Variants in RARS1 observed in about 807,000 individuals in gnomAD.
The protein encoded by RARS1 is arginine--tRNA ligase, cytoplasmic.
In RARS1, 75 loss-of-function variants were observed where a neutral mutation model predicts 78.7. That is an observed-to-expected ratio of 0.95 (90% CI 0.79 to 1.15). The LOEUF (loss-of-function observed/expected upper bound fraction) is 1.15. RARS1 is among the 50% of genes most tolerant of loss of function. The pLI is 0.00. For synonymous variants in RARS1, 273 were observed against 268.2 expected (o/e 1.02, Z -0.18); for missense variants, 787 against 787.5 (o/e 1.00, Z 0.01).
chr5:168,506,443 G>T (rs771991712), intron 10 of RARS1, among the ~76,000 whole-genome samples: 2 of 152,176 alleles, frequency 1.3e-5, no homozygotes, highest in East Asian at 1.9e-4. Context: ...TATCAGTAGG[G>T]TTATTGTGAG....
chr5:168,504,597 C>T (rs989725706), intron 9 of RARS1, among the ~76,000 whole-genome samples: 3 of 151,528 alleles, frequency 2.0e-5, no homozygotes, highest in Admixed American at 2.0e-4. Context: ...GAGGCCGAGG[C>T]AGGCGGATCA....
At chr5:168,517,100 T>A (rs1371383447) in intron 13 of RARS1, 150 bp downstream of exon 13, 15 of 792,920 alleles carry the variant, frequency 1.9e-5, no homozygotes, top group Non-Finnish European at 2.4e-5. Context: ...CTGGGATTAC[T>A]GACATACCAC....
Position 168,488,688 on chromosome 5 carries a change from A to C in RARS1, c.132A>C (p.Leu44Phe), listed in dbSNP as rs766924890. 9 of 1,611,888 alleles carry C rather than the reference A, an allele frequency of 5.6e-6. No homozygotes were observed. Among genetic ancestry groups the C allele is most frequent in the Non-Finnish European group, 7.6e-6 (9 of 1,179,430 alleles). Residue 44 changes from leucine (L) to phenylalanine (F), a missense_variant, in exon 2 of 15, where the codon TTA becomes TTC. Transcript: ENST00000231572. Reference protein sequence around the residue: ...CLGASPNLEQLQEENLKLKYR... With the variant: ...CLGASPNLEQFQEENLKLKYR... ...GAGCTTCTCCAAATTTGGAGCAGTT[A>C]CAAGAAGAAAATTTAAAATTAAAGT...
At chr5:168,492,345 C>G (rs550771258) in intron 2 of RARS1, among the ~76,000 whole-genome samples, 2 of 152,150 alleles carry the variant, frequency 1.3e-5, no homozygotes, top group East Asian at 3.9e-4. Context: ...AAATTATTTT[C>G]TCAGAGATTT....
intron 2 of RARS1, among the ~76,000 whole-genome samples, chr5:168,491,281 A>G (rs1248660982): frequency 6.6e-6 from 1 of 152,146 alleles, no homozygotes; most frequent in Non-Finnish European, 1.5e-5. Flanking sequence ...GATGTCTTGA[A>G]CCCAGGAGTT....
At position 168,515,626 on chromosome 5, in the gene RARS1, G is replaced by A. The variant is rs116754739; in HGVS notation, c.1453-1152G>A. On this transcript the variant is annotated intron_variant, in intron 12 of 14. Coordinates refer to ENST00000231572, the MANE Select transcript of RARS1 (RefSeq NM_002887.4). Reference sequence around the variant, plus strand: ...CCAGCTGATTATCTTGACCCTGTTTGTATTGGCCTTATGCTTCTTTAGGGC... The same window carrying A: ...CCAGCTGATTATCTTGACCCTGTTTATATTGGCCTTATGCTTCTTTAGGGC... Among the ~76,000 whole-genome samples the A allele has an allele frequency of 9.5e-3, 1,442 of 152,302 alleles. 15 individuals carry two copies. The highest frequency in any genetic ancestry group is 0.041 in the South Asian group (197 of 4,826).
Position 168,495,358 on chromosome 5 carries a change from A to G in RARS1, c.623A>G (p.His208Arg). 1.9e-6 allele frequency: 3 copies of G among 1,614,062 alleles called. No individual in the cohort carries two copies. The highest frequency in any genetic ancestry group is 2.5e-6 in the Non-Finnish European group (3 of 1,179,968). Reference protein sequence around the residue: ...FSSPNIAKEMHVGHLRSTIIG... With the variant: ...FSSPNIAKEMRVGHLRSTIIG... ...TCCCCTAATATAGCTAAAGAGATGC[A>G]TGTAGGCCACCTGAGGTCAACTATC... is the stretch of plus-strand genomic sequence containing the variant. The change falls in exon 6 of 15, where the codon CAT becomes CGT. Residue 208 changes from histidine to arginine, a missense_variant. By Grantham distance (29) the His-to-Arg change is conservative. Transcript: ENST00000231572.
At chr5:168,500,815 CCTT>C in intron 8 of RARS1, 95 bp downstream of exon 8, 15 of 1,422,738 alleles carry the variant, frequency 1.1e-5, no homozygotes, top group Non-Finnish European at 1.4e-5. Flanking sequence ...GATATTTTAA[CCTT>C]CTAAGGACAG....
At chr5:168,504,157 G>A (rs1758387106) in intron 9 of RARS1, among the ~76,000 whole-genome samples, 1 of 151,970 alleles carries the variant, frequency 6.6e-6, no homozygotes, top group African/African-American at 2.4e-5. Flanking sequence ...TGAGGTGGGA[G>A]GATCACTTGA....
In RARS1 at chr5:168,519,088, A is replaced by T; in HGVS notation, c.1881A>T (p.Ile627=). The change falls in exon 15 of 15, where the codon ATA becomes ATT. Residue 627 remains isoleucine, a synonymous_variant. Transcript: ENST00000231572. ...CVEKDRQTGK[I]LKVNMWRMLL... Reference sequence around the variant, plus strand: ...TTTTTTCTATCTTTTCAGGAAAAATATTGAAGGTGAACATGTGGCGTATGC... The same window carrying T: ...TTTTTTCTATCTTTTCAGGAAAAATTTTGAAGGTGAACATGTGGCGTATGC... The T allele has an allele frequency of 1.2e-6, 2 of 1,606,456 alleles. No individual in the cohort carries two copies. Among genetic ancestry groups the T allele is most frequent in the Non-Finnish European group, 1.7e-6 (2 of 1,176,526 alleles).
intron 12 of RARS1, among the ~76,000 whole-genome samples, chr5:168,511,856 C>G (rs564334197): frequency 6.6e-6 from 1 of 151,824 alleles, no homozygotes; most frequent in Admixed American, 6.6e-5. Flanking sequence ...ATCAGTAGTT[C>G]ATATGTTTTT....
In RARS1 at chr5:168,497,522, C is replaced by CT. The variant is rs112301722; in HGVS notation, c.822+184dup. ...ATGACATTCTCTTGAACTTAAACTA[C>CT]TTTTTTTTTTGTAATTTATAAAGAC... is the stretch of plus-strand genomic sequence containing the variant. On this transcript the variant is annotated intron_variant, in intron 7 of 14. Coordinates refer to ENST00000231572, the MANE Select transcript of RARS1 (RefSeq NM_002887.4). Among the ~76,000 whole-genome samples, 295 of 149,842 alleles carry CT rather than the reference C, an allele frequency of 2.0e-3. 2 individuals are homozygous for CT. The highest frequency in any genetic ancestry group is 6.7e-3 in the African/African-American group (273 of 40,890).
At position 168,506,030 on chromosome 5, in the gene RARS1, A is replaced by G; in HGVS notation, c.1067A>G (p.Gln356Arg). 1.2e-6 allele frequency: 2 copies of G among 1,600,490 alleles called. No individual in the cohort carries two copies. Among genetic ancestry groups the G allele is most frequent in the Admixed American group, 1.7e-5 (1 of 57,860 alleles). The change falls in exon 10 of 15, where the codon CAG becomes CGG. Residue 356 changes from glutamine (Q) to arginine (R), a missense_variant. Transcript: ENST00000231572. ...GTTTTTTACCCCCTAGGATTTGTGCAGGTGGATGATGGCAGAAAGATTGTA... is the reference window on the plus strand; with the variant it reads ...GTTTTTTACCCCCTAGGATTTGTGCGGGTGGATGATGGCAGAAAGATTGTA... Reference protein sequence around the residue: ...VKEFEDRGFVQVDDGRKIVFV... With the variant: ...VKEFEDRGFVRVDDGRKIVFV...
intron 9 of RARS1, among the ~76,000 whole-genome samples, chr5:168,502,648 T>G (rs1200236274): frequency 6.7e-6 from 1 of 149,420 alleles, no homozygotes; most frequent in Non-Finnish European, 1.5e-5. Flanking sequence ...CTCGGCTGAC[T>G]GCAACCTCCG....
In RARS1 at chr5:168,500,620, G is replaced by A; in HGVS notation, c.852G>A (p.Glu284=). ...CTAAGAAGAGGTTTGATACTGAGGAGGAATTTAAGAAGCGAGCATATCAGT... is the reference window on the plus strand; with the variant it reads ...CTAAGAAGAGGTTTGATACTGAGGAAGAATTTAAGAAGCGAGCATATCAGT... ...KESKKRFDTE[E]EFKKRAYQCV... Residue 284 remains glutamate (E), a synonymous_variant, in exon 8 of 15, where the codon GAG becomes GAA. Coordinates refer to ENST00000231572, the MANE Select transcript of RARS1 (RefSeq NM_002887.4). 2 of 1,593,396 alleles carry A rather than the reference G, an allele frequency of 1.3e-6. No individual in the cohort carries two copies. Among genetic ancestry groups the A allele is most frequent in the Non-Finnish European group, 1.7e-6 (2 of 1,172,424 alleles).
intron 13 of RARS1, among the ~76,000 whole-genome samples, chr5:168,517,394 C>T (rs910172033): frequency 1.3e-5 from 2 of 152,162 alleles, no homozygotes; most frequent in African/African-American, 4.8e-5. Flanking sequence ...TCACCCGCCT[C>T]GGCCTCCCAA....
At chr5:168,487,281 G>A (rs533573064) in intron 1 of RARS1, among the ~76,000 whole-genome samples, 25 of 151,986 alleles carry the variant, frequency 1.6e-4, no homozygotes, top group Non-Finnish European at 3.1e-4. Flanking sequence ...CAGGAGAATG[G>A]CGTGAACCCG....
chr5:168,506,122 T>C lies in RARS1; in HGVS notation c.1159T>C (p.Ser387Pro). Residue 387 changes from serine to proline, a missense_variant, in exon 10 of 15, where the codon TCT becomes CCT. By Grantham distance (74) the Ser-to-Pro change is moderately conservative. Transcript: ENST00000231572. ...KSDGGYTYDTSDLAAIKQRLF... is the reference protein window; with the variant it reads ...KSDGGYTYDTPDLAAIKQRLF... Reference sequence around the variant, plus strand: ...AGATGGAGGTTATACCTATGATACATCTGACCTGGCTGCTATTAAACAAAG... The same window carrying C: ...AGATGGAGGTTATACCTATGATACACCTGACCTGGCTGCTATTAAACAAAG... The C allele has an allele frequency of 6.2e-7, 1 of 1,603,322 alleles. No individual in the cohort carries two copies. The highest frequency in any genetic ancestry group is 8.5e-7 in the Non-Finnish European group (1 of 1,174,018).
chr5:168,500,679 T>G lies in RARS1; in HGVS notation c.911T>G (p.Ile304Ser), dbSNP rs778679804. The change falls in exon 8 of 15, where the codon ATT becomes AGT. Residue 304 changes from isoleucine to serine, a missense_variant. By Grantham distance (142) the Ile-to-Ser change is moderately radical. Transcript: ENST00000231572. ...VVLLQGKNPD[I>S]TKAWKLICDV... Reference sequence around the variant, plus strand: ...CTGCTCCAGGGTAAAAACCCAGATATTACAAAAGCTTGGAAGCTTATCTGT... The same window carrying G: ...CTGCTCCAGGGTAAAAACCCAGATAGTACAAAAGCTTGGAAGCTTATCTGT... 1 of 1,610,196 alleles carries G rather than the reference T, an allele frequency of 6.2e-7. No individual in the cohort carries two copies. Among genetic ancestry groups the G allele is most frequent in the South Asian group, 1.1e-5 (1 of 90,390 alleles).
Sources: allele counts gnomAD v4.1 joint callset (sites outside exome capture counted in the v4.1 genomes callset), GRCh38; gene constraint gnomAD v4.1.1; transcripts MANE v1.5; gene names NCBI Gene and HGNC (gene_info 2026-07-23, HGNC 2026-07-21).